The following TNR variants were observed in gnomAD, a reference collection of about 807,000 sequenced individuals.
The protein encoded by TNR is tenascin R.
In TNR, 45 loss-of-function variants were observed where a neutral mutation model predicts 150.4. The ratio of observed to expected loss-of-function variants is 0.30; its 90% CI spans 0.24 to 0.38. The LOEUF (loss-of-function observed/expected upper bound fraction) is 0.38. Among genes scored for constraint, TNR ranks in the 10% least tolerant of loss-of-function variants. The probability of loss-of-function intolerance (pLI) is 1.00; values close to 1 mark genes in which losing one functional copy is unlikely to be tolerated. For synonymous variants in TNR, 687 were observed against 678.4 expected, an observed-to-expected ratio of 1.01 and a Z score of -0.20; for missense variants, 1,544 against 1,759.1, an observed-to-expected ratio of 0.88 and a Z score of 2.19.
intron 2 of TNR, among the ~76,000 whole-genome samples, chr1:175,493,949 G>A (rs1056141075): frequency 4.6e-5 from 7 of 152,146 alleles, no homozygotes; most frequent in African/African-American, 1.4e-4. Context: ...TCTCAGCTGA[G>A]GGGTCCCTAC....
intron 1 of TNR, among the ~76,000 whole-genome samples, chr1:175,635,178 G>A (rs1053235958): frequency 6.6e-6 from 1 of 152,240 alleles, no homozygotes; most frequent in African/African-American, 2.4e-5. Context: ...TGGCCCAACA[G>A]GTCTGACTTA....
In TNR at chr1:175,478,082, G is replaced by A. The variant is rs61805064; in HGVS notation, c.-64+50187C>T. ...GAAATTAAATATGCTGCAAATAGAGGGGCACACATTTTATTCTCAACTAAA... is the reference window on the plus strand; with the variant it reads ...GAAATTAAATATGCTGCAAATAGAGAGGCACACATTTTATTCTCAACTAAA... On this transcript the variant is annotated intron_variant, in intron 2 of 22. Transcript: ENST00000367674. Among the ~76,000 whole-genome samples the A allele has an allele frequency of 1.1e-3, 160 of 152,188 alleles. 1 individual carries two copies. Among genetic ancestry groups the A allele is most frequent in the Non-Finnish European group, 2.1e-3 (146 of 67,998 alleles).
At chr1:175,348,428 A>G (rs1285325801) in intron 18 of TNR, among the ~76,000 whole-genome samples, 3 of 152,212 alleles carry the variant, frequency 2.0e-5, no homozygotes, top group Non-Finnish European at 2.9e-5. Context: ...AACTTGTTAA[A>G]CTAAGATGCC....
intron 2 of TNR, among the ~76,000 whole-genome samples, chr1:175,447,996 G>A (rs907319799): frequency 1.3e-5 from 2 of 152,056 alleles, no homozygotes; most frequent in South Asian, 2.1e-4. Flanking sequence ...TCAGTGTCAC[G>A]CTGCTCATTG....
At chr1:175,342,967 C>T (rs1650596848) in intron 18 of TNR, among the ~76,000 whole-genome samples, 1 of 152,078 alleles carries the variant, frequency 6.6e-6, no homozygotes, top group South Asian at 2.1e-4. Flanking sequence ...TGCAGCCTGG[C>T]CCCTGTCTGT....
intron 1 of TNR, among the ~76,000 whole-genome samples, chr1:175,611,435 C>A (rs1452067295): frequency 6.6e-6 from 1 of 152,052 alleles, no homozygotes; most frequent in Non-Finnish European, 1.5e-5. Flanking sequence ...TGGACTTAAT[C>A]AACCCTCCTG....
At chr1:175,495,154 T>C (rs1475396300) in intron 2 of TNR, among the ~76,000 whole-genome samples, 1 of 151,986 alleles carries the variant, frequency 6.6e-6, no homozygotes, top group Non-Finnish European at 1.5e-5. Flanking sequence ...AAGAGACGAG[T>C]TGTCCTCCCA....
Position 175,323,545 on chromosome 1 carries a change from T to C in TNR, c.3958-69A>G. 1.3e-6 allele frequency: 2 copies of C among 1,583,824 alleles called. 1 individual carries two copies. The highest frequency in any genetic ancestry group is 2.3e-5 in the South Asian group (2 of 86,918). ...GGAACGCCCCACTTCAAAAAAGGGG[T>C]AATTATGGGAACAGGGAATCCACAA... On this transcript the variant is annotated intron_variant, in intron 22 of 22. Transcript: ENST00000367674.
At chr1:175,567,511 G>A (rs1661690098) in intron 1 of TNR, among the ~76,000 whole-genome samples, 1 of 152,208 alleles carries the variant, frequency 6.6e-6, no homozygotes, top group Non-Finnish European at 1.5e-5. Context: ...CTCAGAGCCA[G>A]GGCAACGAGG....
chr1:175,499,101 T>C (rs1028119856), intron 2 of TNR, among the ~76,000 whole-genome samples: 2 of 152,216 alleles, frequency 1.3e-5, no homozygotes, highest in African/African-American at 4.8e-5. Context: ...TGATACTGTG[T>C]GGGATCTCGC....
At chr1:175,559,495 A>G (rs1661330388) in intron 1 of TNR, among the ~76,000 whole-genome samples, 1 of 152,124 alleles carries the variant, frequency 6.6e-6, no homozygotes, top group Non-Finnish European at 1.5e-5. Flanking sequence ...CTCCCTTTCC[A>G]CTGAGACATA....
intron 1 of TNR, among the ~76,000 whole-genome samples, chr1:175,685,620 C>T (rs984342040): frequency 2.2e-4 from 34 of 152,120 alleles, no homozygotes; most frequent in African/African-American, 5.8e-4. Flanking sequence ...TTCAATTTGT[C>T]GCCTTTAAAG....
chr1:175,549,251 A>G (rs994015432), intron 1 of TNR, among the ~76,000 whole-genome samples: 10 of 152,208 alleles, frequency 6.6e-5, no homozygotes, highest in African/African-American at 2.2e-4. Context: ...CCATAACTAA[A>G]GGGAGCACCA....
At position 175,542,331 on chromosome 1, in the gene TNR, G is replaced by C. The variant is rs1454354995; in HGVS notation, c.-164-13962C>G. 2.6e-5 allele frequency among the ~76,000 whole-genome samples: 4 copies of C among 152,142 alleles called. No homozygotes were observed. In the South Asian group the frequency reaches 8.3e-4, roughly 32 times the overall value. Reference sequence around the variant, plus strand: ...AAATCCACAGGAAGTTTGGAAGGGGGGTGCTGCATGCTTGGAGGCATTTAG... The same window carrying C: ...AAATCCACAGGAAGTTTGGAAGGGGCGTGCTGCATGCTTGGAGGCATTTAG... On this transcript the variant is annotated intron_variant, in intron 1 of 22. Transcript: ENST00000367674.
At chr1:175,431,804 T>C (rs1022063110) in intron 2 of TNR, among the ~76,000 whole-genome samples, 8 of 152,034 alleles carry the variant, frequency 5.3e-5, no homozygotes, top group African/African-American at 1.5e-4. Flanking sequence ...TGGTGATTAC[T>C]TCTAGGCAAC....
At chr1:175,506,644 C>T (rs979658181) in intron 2 of TNR, among the ~76,000 whole-genome samples, 5 of 152,316 alleles carry the variant, frequency 3.3e-5, no homozygotes, top group Non-Finnish European at 5.9e-5. Flanking sequence ...TCAGAGGAAA[C>T]GCATCCTGCC....
chr1:175,627,458 G>A (rs1351376949), intron 1 of TNR, among the ~76,000 whole-genome samples: 1 of 152,192 alleles, frequency 6.6e-6, no homozygotes, highest in Non-Finnish European at 1.5e-5. Flanking sequence ...TACTTGAAAA[G>A]GAGTTACTAG....
intron 2 of TNR, among the ~76,000 whole-genome samples, chr1:175,416,807 G>A (rs1251532383): frequency 1.3e-5 from 2 of 152,130 alleles, no homozygotes; most frequent in African/African-American, 4.8e-5. Context: ...AGGAGATCGA[G>A]ACTGTCCTGG....
chr1:175,660,849 A>T (rs1665346428), intron 1 of TNR, among the ~76,000 whole-genome samples: 1 of 152,158 alleles, frequency 6.6e-6, no homozygotes, highest in South Asian at 2.1e-4. Context: ...GACTCAGCAG[A>T]GGTTCCAGGA....
Sources: gnomAD v4.1 joint callset for allele counts (sites outside exome capture counted in the v4.1 genomes callset) on GRCh38, gnomAD v4.1.1 for gene constraint, MANE v1.5 for transcripts, NCBI Gene and HGNC (gene_info 2026-07-23, HGNC 2026-07-21) for gene names.